The following NEBL variants were observed in gnomAD, a reference collection of about 807,000 sequenced individuals.
The protein encoded by NEBL is nebulette.
In NEBL, 122 loss-of-function variants were observed where a neutral mutation model predicts 140.2. The ratio of observed to expected loss-of-function variants is 0.87; its 90% CI spans 0.75 to 1.01. The LOEUF (loss-of-function observed/expected upper bound fraction) is 1.01. NEBL is among the 50% of genes least tolerant of loss of function. The pLI is 0.00. For synonymous variants in NEBL, 436 were observed against 398.9 expected, an observed-to-expected ratio of 1.09 and a Z score of -1.11; for missense variants, 1,365 against 1,231.3, an observed-to-expected ratio of 1.11 and a Z score of -1.62.
At chr10:20,962,754 A>G (rs1356118452) in intron 3 of NEBL, among the ~76,000 whole-genome samples, 1 of 152,196 alleles carries the variant, frequency 6.6e-6, no homozygotes, top group African/African-American at 2.4e-5. Context: ...TTTTACATTC[A>G]AAATTACAAG....
At chr10:20,900,975 G>A (rs139060522), upstream of NEBL, among the ~76,000 whole-genome samples, 2,685 of 152,028 alleles carry the variant, frequency 0.018, 102 homozygotes, top group African/African-American at 0.062. Context: ...CCAAGATCGC[G>A]CCACTGCACT....
intron 2 of NEBL, among the ~76,000 whole-genome samples, chr10:21,115,384 C>A (rs538281460): frequency 6.6e-6 from 1 of 152,112 alleles, no homozygotes; most frequent in East Asian, 1.9e-4. Context: ...CATCTGGTAT[C>A]ATTTTCTTTC....
chr10:21,029,069 A>G (rs2131799244), intron 2 of NEBL: 1 of 1,060,836 alleles, frequency 9.4e-7, no homozygotes, highest in African/African-American at 1.5e-5. Flanking sequence ...CTAGCTGAGG[A>G]CTGGGGGACT....
intron 4 of NEBL, among the ~76,000 whole-genome samples, chr10:20,951,966 T>C (rs1835493653): frequency 6.6e-6 from 1 of 152,198 alleles, no homozygotes; most frequent in Non-Finnish European, 1.5e-5. Context: ...TGCCCTCCTT[T>C]TTATTCACAT....
At chr10:20,890,169 G>A (rs1167792466) in intron 2 of NEBL, among the ~76,000 whole-genome samples, 1 of 152,122 alleles carries the variant, frequency 6.6e-6, no homozygotes, top group Non-Finnish European at 1.5e-5. Flanking sequence ...ATAAGCGAGG[G>A]TCCAGTTAAG....
At chr10:20,888,590 T>A (rs1231453547) in intron 3 of NEBL, among the ~76,000 whole-genome samples, 1 of 152,186 alleles carries the variant, frequency 6.6e-6, no homozygotes, top group Non-Finnish European at 1.5e-5. Flanking sequence ...AAGGACAGTG[T>A]TCTTTTATTC....
At chr10:20,855,689 A>T (rs886202552) in intron 9 of NEBL, among the ~76,000 whole-genome samples, 16 of 152,156 alleles carry the variant, frequency 1.1e-4, no homozygotes, top group African/African-American at 3.9e-4. Flanking sequence ...AAGAAACTCA[A>T]CACTACCAGA....
intron 3 of NEBL, among the ~76,000 whole-genome samples, chr10:21,242,642 A>G (rs1323693929): frequency 6.6e-6 from 1 of 152,192 alleles, no homozygotes; most frequent in African/African-American, 2.4e-5. Context: ...ATCCTGCTGT[A>G]CTGGCCGAGA....
intron 2 of NEBL, among the ~76,000 whole-genome samples, chr10:21,041,032 A>G (rs1394795907): frequency 6.6e-6 from 1 of 152,194 alleles, no homozygotes; most frequent in Non-Finnish European, 1.5e-5. Context: ...GTAGTTCCTT[A>G]TAGCAATGTA....
At chr10:21,071,008 C>A (rs976840629) in intron 2 of NEBL, among the ~76,000 whole-genome samples, 4 of 151,028 alleles carry the variant, frequency 2.6e-5, no homozygotes, top group Admixed American at 1.3e-4. Context: ...AACACTCTGC[C>A]TCTACAAAAA....
At chr10:21,147,490 T>A (rs1839948712) in intron 2 of NEBL, among the ~76,000 whole-genome samples, 1 of 150,002 alleles carries the variant, frequency 6.7e-6, no homozygotes, top group South Asian at 2.2e-4. Context: ...CTCAACCCAC[T>A]GCAGGCTAAC....
At chr10:21,237,210 T>G (rs1842366212) in intron 3 of NEBL, among the ~76,000 whole-genome samples, 1 of 152,238 alleles carries the variant, frequency 6.6e-6, no homozygotes, top group Admixed American at 6.5e-5. Flanking sequence ...TTTTGGTTTG[T>G]TTTGTTTTGT....
In NEBL at chr10:21,035,668, A is replaced by C. The variant is rs75699492; in HGVS notation, c.165-15467T>G. 9.5e-3 allele frequency among the ~76,000 whole-genome samples: 1,440 copies of C among 152,330 alleles called. 44 individuals are homozygous for C. The East Asian group carries it at 0.1, about 11-fold the overall frequency. ...TCCATCACAGGATAATGGCATAGGA[A>C]GAAAAGAAGAACTTTGTGGAAGGTC... On this transcript the variant is annotated intron_variant, in intron 2 of 6. Transcript: ENST00000417816.
chr10:20,835,579 TC>T lies in NEBL; in HGVS notation c.1382del (p.Gly461GlufsTer20), dbSNP rs775337586. ...CAAGGGTGTCAGTGCCAGCTTGCAT[TC>T]CTTTCCCTTTAATTATTGACTCCAG... ...KDLESIIKGK[G>X]MQAGTDTLEM... On this transcript the variant is annotated frameshift_variant, in exon 14 of 28. Coordinates refer to ENST00000377122, the MANE Select transcript of NEBL (RefSeq NM_006393.3). LOFTEE classifies it high-confidence loss of function. 3 of 1,612,688 alleles carry T rather than the reference TC, an allele frequency of 1.9e-6. No homozygotes were observed. The highest frequency in any genetic ancestry group is 2.5e-6 in the Non-Finnish European group (3 of 1,179,836).
intron 2 of NEBL, among the ~76,000 whole-genome samples, chr10:21,170,907 C>T (rs1841042877): frequency 6.6e-6 from 1 of 152,132 alleles, no homozygotes; most frequent in Non-Finnish European, 1.5e-5. Context: ...CTCTAGGAGA[C>T]CTGAATGATG....
intron 1 of NEBL, among the ~76,000 whole-genome samples, chr10:21,262,911 T>C (rs1016445146): frequency 1.3e-5 from 2 of 152,202 alleles, no homozygotes; most frequent in South Asian, 2.1e-4. Flanking sequence ...CAGGAGATTA[T>C]ACAAACGCAA....
chr10:21,055,829 C>T (rs1834997789), intron 2 of NEBL, among the ~76,000 whole-genome samples: 1 of 152,140 alleles, frequency 6.6e-6, no homozygotes, highest in Admixed American at 6.5e-5. Context: ...GTTCAGGGGG[C>T]TCCCGCGTGA....
chr10:21,230,968 T>C (rs1842241619), intron 3 of NEBL, among the ~76,000 whole-genome samples: 1 of 152,150 alleles, frequency 6.6e-6, no homozygotes, highest in Non-Finnish European at 1.5e-5. Flanking sequence ...AATCATTTAA[T>C]TAAACTGAAA....
chr10:21,046,006 TAC>T lies in NEBL; in HGVS notation c.165-25807_165-25806del, dbSNP rs61617438. Among the ~76,000 whole-genome samples, 298 of 150,146 alleles carry T rather than the reference TAC, an allele frequency of 2.0e-3. 1 individual carries two copies. The highest frequency in any genetic ancestry group is 6.6e-3 in the African/African-American group (271 of 40,992). On this transcript the variant is annotated intron_variant, in intron 2 of 6. Coordinates refer to the NEBL transcript ENST00000417816. ...CAGATGAATGGATAAAAAAATGTGGTACACACACACACACACACGTGTGTGCA... is the reference window on the plus strand; with the variant it reads ...CAGATGAATGGATAAAAAAATGTGGTACACACACACACACACGTGTGTGCA...
Sources: gnomAD v4.1 joint callset for allele counts (sites outside exome capture counted in the v4.1 genomes callset) on GRCh38, gnomAD v4.1.1 for gene constraint, MANE v1.5 for transcripts, NCBI Gene and HGNC (gene_info 2026-07-23, HGNC 2026-07-21) for gene names.